The following EPM2A variants were observed in gnomAD, a reference collection of about 807,000 sequenced individuals.
EPM2A encodes the protein laforin.
In EPM2A, 21 loss-of-function variants were observed where a neutral mutation model predicts 26.5. The ratio of observed to expected loss-of-function variants is 0.79; its 90% confidence interval spans 0.56 to 1.14. EPM2A has a LOEUF of 1.14. Ranked by LOEUF, EPM2A falls within the 50% of genes most tolerant of loss-of-function variation. The pLI is 0.00. For synonymous variants in EPM2A, 217 were observed against 177.6 expected, an observed-to-expected ratio of 1.22 and a Z score of -1.76; for missense variants, 458 against 440.8, an observed-to-expected ratio of 1.04 and a Z score of -0.35.
At chr6:145,441,983 T>A (rs952209660) in intron 4 of EPM2A, among the ~76,000 whole-genome samples, 9 of 152,198 alleles carry the variant, frequency 5.9e-5, no homozygotes, top group Non-Finnish European at 1.3e-4. Flanking sequence ...ATCATCTTCC[T>A]CAAGTTTAAA....
chr6:145,392,886 A>G (rs1485952345), intron 4 of EPM2A, among the ~76,000 whole-genome samples: 1 of 152,088 alleles, frequency 6.6e-6, no homozygotes, highest in Non-Finnish European at 1.5e-5. Context: ...TAATCACAGA[A>G]TTAATTAAGG....
chr6:145,451,390 T>C (rs1419577946), intron 4 of EPM2A, among the ~76,000 whole-genome samples: 3 of 152,214 alleles, frequency 2.0e-5, no homozygotes, highest in Non-Finnish European at 4.4e-5. Flanking sequence ...AAACAATGGA[T>C]TTTACTGCAA....
intron 4 of EPM2A, among the ~76,000 whole-genome samples, chr6:145,402,479 G>A (rs988046991): frequency 3.9e-5 from 6 of 152,116 alleles, no homozygotes; most frequent in Non-Finnish European, 7.4e-5. Context: ...CACAGATTAA[G>A]ATTGGACAAT....
chr6:145,536,155 T>C (rs944673390), intron 2 of EPM2A, among the ~76,000 whole-genome samples: 2 of 152,332 alleles, frequency 1.3e-5, no homozygotes, highest in Admixed American at 1.3e-4. Flanking sequence ...GCTTACTCTG[T>C]TTTGTTTTTG....
At chr6:145,606,238 C>A (rs1775255088) in intron 2 of EPM2A, among the ~76,000 whole-genome samples, 1 of 152,062 alleles carries the variant, frequency 6.6e-6, no homozygotes, top group South Asian at 2.1e-4. Context: ...CTTTTGTAGT[C>A]AGCACACACA....
At position 145,627,559 on chromosome 6, in the gene EPM2A, T is replaced by C; in HGVS notation, c.853A>G (p.Met285Val). The change falls in exon 4 of 4, where the codon ATG becomes GTG. Residue 285 changes from methionine (M) to valine (V), a missense_variant. By Grantham distance (21) the Met-to-Val change is conservative (BLOSUM62 1). Coordinates refer to ENST00000367519, the MANE Select transcript of EPM2A (RefSeq NM_005670.4). ...TGCACCTTCCTCAGATTCCAGCCCA[T>C]CACATACTGGAGCCAGCCGCAGACA... is the stretch of plus-strand genomic sequence containing the variant. ...AAVCGWLQYV[M>V]GWNLRKVQYF... The C allele has an allele frequency of 6.2e-7, 1 of 1,614,248 alleles. No homozygotes were observed. The highest frequency in any genetic ancestry group is 1.3e-5 in the African/African-American group (1 of 75,080).
chr6:145,401,018 C>G (rs1023461112), intron 4 of EPM2A, among the ~76,000 whole-genome samples: 1 of 151,884 alleles, frequency 6.6e-6, no homozygotes, highest in South Asian at 2.1e-4. Flanking sequence ...AATAAAGTAC[C>G]TTTGACTTTA....
chr6:145,462,965 C>A (rs555631133), intron 4 of EPM2A, among the ~76,000 whole-genome samples: 1 of 152,112 alleles, frequency 6.6e-6, no homozygotes, highest in Non-Finnish European at 1.5e-5. Context: ...CATTTGCTCA[C>A]GCTTCTAGTT....
intron 1 of EPM2A, among the ~76,000 whole-genome samples, chr6:145,700,564 A>G (rs1016200885): frequency 1.3e-5 from 2 of 152,180 alleles, no homozygotes; most frequent in African/African-American, 4.8e-5. Context: ...ACAAAAAAAA[A>G]CCTATCTTTG....
At chr6:145,617,228 T>C (rs761856472) in intron 2 of EPM2A, among the ~76,000 whole-genome samples, 12 of 151,402 alleles carry the variant, frequency 7.9e-5, no homozygotes, top group Non-Finnish European at 1.6e-4. Flanking sequence ...AAAAGGGGAG[T>C]TTCCCTGCAC....
chr6:145,697,931 A>G (rs1781702220), intron 1 of EPM2A, among the ~76,000 whole-genome samples: 1 of 152,200 alleles, frequency 6.6e-6, no homozygotes, highest in African/African-American at 2.4e-5. Context: ...GCTTACGAAG[A>G]TGATGGGATT....
At chr6:145,442,988 G>A (rs929745693) in intron 4 of EPM2A, among the ~76,000 whole-genome samples, 4 of 152,072 alleles carry the variant, frequency 2.6e-5, no homozygotes, top group African/African-American at 9.7e-5. Flanking sequence ...AGCCTTCTGA[G>A]TAGCTGGGAC....
intron 1 of EPM2A, among the ~76,000 whole-genome samples, chr6:145,725,860 A>G (rs958386855): frequency 6.6e-6 from 1 of 152,088 alleles, no homozygotes; most frequent in Non-Finnish European, 1.5e-5. Flanking sequence ...ACTGTGCATC[A>G]TCAAAATCCA....
intron 2 of EPM2A, among the ~76,000 whole-genome samples, chr6:145,533,236 T>C (rs1388269225): frequency 6.6e-6 from 1 of 152,186 alleles, no homozygotes; most frequent in African/African-American, 2.4e-5. Context: ...TCAAATCCTG[T>C]TGACTCTATT....
intron 1 of EPM2A, among the ~76,000 whole-genome samples, chr6:145,703,412 A>C (rs1444627520): frequency 1.3e-5 from 2 of 152,110 alleles, no homozygotes; most frequent in African/African-American, 2.4e-5. Context: ...TTAAAAAAAA[A>C]CTTCCTTTTT....
intron 1 of EPM2A, among the ~76,000 whole-genome samples, chr6:145,691,949 AT>A (rs1466823199): frequency 6.6e-6 from 1 of 152,054 alleles, no homozygotes; most frequent in Non-Finnish European, 1.5e-5. Flanking sequence ...TGGCAGAATA[AT>A]TTTTAAGTGA....
chr6:145,618,195 C>T (rs1775556226), intron 2 of EPM2A, among the ~76,000 whole-genome samples: 1 of 151,990 alleles, frequency 6.6e-6, no homozygotes, highest in Admixed American at 6.6e-5. Flanking sequence ...CTTCAAAGAC[C>T]CAAAGGATGA....
intron 3 of EPM2A, chr6:145,632,245 G>A (rs2128559753): frequency 6.6e-6 from 1 of 152,356 alleles, no homozygotes. Context: ...TCCGTGCAAT[G>A]GGAGAGCCGA....
intron 2 of EPM2A, chr6:145,682,742 T>C (rs1288845972): frequency 1.3e-5 from 2 of 152,148 alleles, no homozygotes; most frequent in Non-Finnish European, 2.9e-5. Context: ...TTTTTAGATA[T>C]ATATGTTCTA....
Sources: allele counts gnomAD v4.1 joint callset (sites outside exome capture counted in the v4.1 genomes callset), GRCh38; gene constraint gnomAD v4.1.1; transcripts MANE v1.5; gene names NCBI Gene and HGNC (gene_info 2026-07-23, HGNC 2026-07-21).